Variants in LIPH observed in about 807,000 individuals in gnomAD.
LIPH encodes lipase H, also known as lipase member H.
In LIPH, 32 loss-of-function variants were observed where a neutral mutation model predicts 47.6. The ratio of observed to expected loss-of-function variants is 0.67; its 90% CI spans 0.51 to 0.90. The LOEUF is 0.90. LIPH is among the 40% of genes least tolerant of loss of function. The probability of loss-of-function intolerance (pLI) is 0.00; values close to 1 mark genes in which losing one functional copy is unlikely to be tolerated. For missense variants in LIPH, 497 were observed against 541.4 expected (o/e 0.92, Z 0.81); for synonymous variants, 190 against 195.6 (o/e 0.97, Z 0.24).
At chr3:185,529,970 GAA>G (rs752597958) in intron 3 of LIPH, among the ~76,000 whole-genome samples, 3,002 of 67,142 alleles carry the variant, frequency 0.045, 81 homozygotes, top group East Asian at 0.16. Flanking sequence ...AAGAAGGAAA[GAA>G]AGAAAGAGAG....
chr3:185,534,996 A>G lies in LIPH; in HGVS notation c.186T>C (p.Phe62=). The G allele has an allele frequency of 6.2e-7, 1 of 1,613,894 alleles. No homozygotes were observed. Among genetic ancestry groups the G allele is most frequent in the Non-Finnish European group, 8.5e-7 (1 of 1,179,924 alleles). The change falls in exon 2 of 10, where the codon TTT becomes TTC. Residue 62 remains phenylalanine, a synonymous_variant. Coordinates refer to ENST00000296252, the MANE Select transcript of LIPH (RefSeq NM_139248.3). ...TTTTCTTGGTCACATTCAAGTTCCCAAAAGCTGAGGAGTTGATGGTTTGTG... is the reference window on the plus strand; with the variant it reads ...TTTTCTTGGTCACATTCAAGTTCCCGAAAGCTGAGGAGTTGATGGTTTGTG... ...TCAQTINSSA[F]GNLNVTKKTT...
intron 5 of LIPH, among the ~76,000 whole-genome samples, chr3:185,523,234 AAG>A (rs918657628): frequency 6.6e-6 from 1 of 152,166 alleles, no homozygotes; most frequent in Non-Finnish European, 1.5e-5. Context: ...ATACCTTTTC[AAG>A]AGAGAGAAAT....
chr3:185,545,056 G>A (rs1720830115), intron 1 of LIPH, among the ~76,000 whole-genome samples: 1 of 152,190 alleles, frequency 6.6e-6, no homozygotes, highest in African/African-American at 2.4e-5. Context: ...TTCAGAGGTA[G>A]AGCAACAGAG....
intron 3 of LIPH, among the ~76,000 whole-genome samples, chr3:185,529,906 A>AAAAGAAAGAAAGAAAGAAAGAAAGAAAG (rs1180211034): frequency 8.2e-6 from 1 of 122,602 alleles, no homozygotes; most frequent in African/African-American, 3.2e-5. Context: ...AGAGAGAAAG[A>AAAAGAAAGAAAGAAAGAAAGAAAGAAAG]AAAGAAAGAA....
intron 3 of LIPH, among the ~76,000 whole-genome samples, chr3:185,532,488 G>A (rs1044508249): frequency 1.3e-5 from 2 of 149,134 alleles, no homozygotes; most frequent in African/African-American, 5.0e-5. Context: ...AACACAGCGA[G>A]ACCCTGTCAA....
intron 1 of LIPH, among the ~76,000 whole-genome samples, chr3:185,536,403 T>G (rs1720503857): frequency 6.6e-6 from 1 of 151,970 alleles, no homozygotes; most frequent in African/African-American, 2.4e-5. Flanking sequence ...AAGACAAGAG[T>G]GCCCTGGGAA....
At position 185,552,526 on chromosome 3, in the gene LIPH, G is replaced by T; in HGVS notation, c.-55C>A. ...TCACAAGAATGATTTACTTCGCAGA[G>T]GCTTAAGAGTTTCCACTGTGGGATT... On this transcript the variant is annotated 5_prime_UTR_variant, in exon 1 of 10. Coordinates refer to ENST00000296252, the MANE Select transcript of LIPH (RefSeq NM_139248.3). The T allele has an allele frequency of 7.9e-7, 1 of 1,260,168 alleles. No homozygotes were observed. The highest frequency in any genetic ancestry group is 1.2e-6 in the Non-Finnish European group (1 of 857,352). 78.1% of individuals were successfully genotyped at this position (1,260,168 alleles called of 1,614,324 possible). A position where few individuals can be genotyped will look rare whatever the true frequency, so the allele number is the denominator to read the frequency against.
intron 1 of LIPH, among the ~76,000 whole-genome samples, chr3:185,549,129 CAAA>C (rs76079964): frequency 4.9e-5 from 5 of 101,970 alleles, no homozygotes; most frequent in Admixed American, 2.2e-4. Flanking sequence ...GACTCCATCT[CAAA>C]AAAAAAAAAA....
At chr3:185,526,722 A>G (rs1382665291) in intron 4 of LIPH, among the ~76,000 whole-genome samples, 1 of 147,824 alleles carries the variant, frequency 6.8e-6, no homozygotes, top group African/African-American at 2.5e-5. Flanking sequence ...AAAATAAAAT[A>G]AAATAAAAAT....
At position 185,535,038 on chromosome 3, in the gene LIPH, C is replaced by G; in HGVS notation, c.144G>C (p.Arg48Ser). The G allele has an allele frequency of 3.7e-6, 6 of 1,613,584 alleles. No homozygotes were observed. Among genetic ancestry groups the G allele is most frequent in the Non-Finnish European group, 5.1e-6 (6 of 1,179,736 alleles). ...GLNVRLMLYTRKNLTCAQTIN... is the reference protein window; with the variant it reads ...GLNVRLMLYTSKNLTCAQTIN... The stretch of plus-strand genomic sequence containing the variant: ...TGGTTTGTGCGCAGGTCAGGTTTTT[C>G]CTTGTGTAGAGCATCAGCCTCACAT... The change falls in exon 2 of 10, where the codon AGG becomes AGC. Residue 48 changes from arginine (R) to serine (S), a missense_variant. By Grantham distance (110) the Arg-to-Ser change is moderately radical (BLOSUM62 -1). Transcript: ENST00000296252.
At chr3:185,518,789 T>C (rs1281849166) in intron 6 of LIPH, among the ~76,000 whole-genome samples, 1 of 152,142 alleles carries the variant, frequency 6.6e-6, no homozygotes, top group Admixed American at 6.6e-5. Context: ...TGGCATGATC[T>C]CAGTTGACTG....
At chr3:185,524,951 G>A (rs1283080150) in intron 4 of LIPH, among the ~76,000 whole-genome samples, 3 of 152,162 alleles carry the variant, frequency 2.0e-5, no homozygotes, top group Admixed American at 1.3e-4. Context: ...TGTATATATA[G>A]GTCGGGTGCA....
At chr3:185,515,336 G>A (rs185552030) in intron 7 of LIPH, among the ~76,000 whole-genome samples, 3 of 151,604 alleles carry the variant, frequency 2.0e-5, no homozygotes, top group Admixed American at 6.6e-5. Flanking sequence ...ATTAAAACAC[G>A]CTACAACAGG....
At chr3:185,547,894 C>T (rs1298440016) in intron 1 of LIPH, among the ~76,000 whole-genome samples, 1 of 151,792 alleles carries the variant, frequency 6.6e-6, no homozygotes, top group Non-Finnish European at 1.5e-5. Context: ...TTAACAGATA[C>T]ATTTTCAAGT....
chr3:185,552,400 A>T, intron 1 of LIPH, 23 bp downstream of exon 1: 1 of 1,549,156 alleles, frequency 6.5e-7, no homozygotes, highest in South Asian at 1.1e-5. Flanking sequence ...GCAGTTAAGA[A>T]AACCAGTTTG....
Position 185,514,402 on chromosome 3 carries a change from C to T in LIPH, c.1094+8G>A. On this transcript the variant is annotated splice_region_variant and intron_variant, in intron 8 of 9. Transcript: ENST00000296252. ...TAGCGCACTGCAAACAATTGTAACTCAACTTACTGATTGATTTTGGATTCT... is the reference window on the plus strand; with the variant it reads ...TAGCGCACTGCAAACAATTGTAACTTAACTTACTGATTGATTTTGGATTCT... 1 of 1,262,094 alleles carries T rather than the reference C, an allele frequency of 7.9e-7. No homozygotes were observed. The highest frequency in any genetic ancestry group is 1.2e-6 in the Non-Finnish European group (1 of 858,374). 78.2% of individuals were successfully genotyped at this position (1,262,094 alleles called of 1,614,324 possible).
chr3:185,525,617 G>T (rs967949763), intron 4 of LIPH, among the ~76,000 whole-genome samples: 4 of 151,818 alleles, frequency 2.6e-5, no homozygotes, highest in East Asian at 1.9e-4. Context: ...GTCTCTATCA[G>T]TGAAAAAAAA....
intron 1 of LIPH, among the ~76,000 whole-genome samples, chr3:185,537,433 A>G (rs933234079): frequency 6.6e-6 from 1 of 151,988 alleles, no homozygotes; most frequent in African/African-American, 2.4e-5. Flanking sequence ...CGTGCTCGTG[A>G]TTAAGTATTT....
intron 9 of LIPH, among the ~76,000 whole-genome samples, chr3:185,509,315 A>T (rs1397628578): frequency 1.3e-5 from 2 of 151,190 alleles, no homozygotes; most frequent in African/African-American, 4.9e-5. Context: ...TGCTTATGGT[A>T]AGTAAAACAC....
Sources: gnomAD v4.1 joint callset for allele counts (sites outside exome capture counted in the v4.1 genomes callset) on GRCh38, gnomAD v4.1.1 for gene constraint, MANE v1.5 for transcripts, NCBI Gene and HGNC (gene_info 2026-07-23, HGNC 2026-07-21) for gene names.